The following ADK variants were observed in gnomAD, a reference collection of about 807,000 sequenced individuals.
ADK encodes adenosine kinase, also known as N6,N6-dimethyladenosine kinase.
In ADK, 24 loss-of-function variants were observed where a neutral mutation model predicts 44.7. That is an observed-to-expected ratio of 0.54 (90% confidence interval 0.39 to 0.76). The LOEUF (loss-of-function observed/expected upper bound fraction) is 0.76. ADK is among the 30% of genes least tolerant of loss of function. The pLI is 0.00. For synonymous variants in ADK, 128 were observed against 142.6 expected, an observed-to-expected ratio of 0.90 and a Z score of 0.73; for missense variants, 321 against 425.1, an observed-to-expected ratio of 0.76 and a Z score of 2.15.
At chr10:74,312,914 C>CAAAAAAA (rs56052959) in intron 3 of ADK, among the ~76,000 whole-genome samples, 3,418 of 37,718 alleles carry the variant, frequency 0.091, 877 homozygotes, top group Non-Finnish European at 0.12. Flanking sequence ...ATTCTGTCTC[C>CAAAAAAA]AAAAAAAAAA....
intron 3 of ADK, among the ~76,000 whole-genome samples, chr10:74,309,311 GT>G (rs1223241599): frequency 1.3e-5 from 2 of 152,038 alleles, no homozygotes; most frequent in Non-Finnish European, 2.9e-5. Flanking sequence ...CAACCACAAA[GT>G]GTTTAATTCT....
chr10:74,707,878 C>T (rs548764827), intron 10 of ADK, among the ~76,000 whole-genome samples: 90 of 151,498 alleles, frequency 5.9e-4, no homozygotes, highest in African/African-American at 2.2e-3. Context: ...GAAAAGATCT[C>T]CCGACCGGGC....
intron 6 of ADK, among the ~76,000 whole-genome samples, chr10:74,492,786 T>C (rs1314468550): frequency 6.6e-6 from 1 of 152,212 alleles, no homozygotes; most frequent in Non-Finnish European, 1.5e-5. Context: ...CTATCCTTCA[T>C]GTACCATATT....
chr10:74,459,493 G>T (rs906405700), intron 6 of ADK, among the ~76,000 whole-genome samples: 1 of 151,916 alleles, frequency 6.6e-6, no homozygotes, highest in Admixed American at 6.6e-5. Flanking sequence ...CACTTTGGGA[G>T]GCTGAGGTGG....
chr10:74,174,325 A>AT (rs1277186503), intron 1 of ADK: 1 of 151,380 alleles, frequency 6.6e-6, no homozygotes, highest in Non-Finnish European at 1.5e-5. Flanking sequence ...AAAAAAAAAA[A>AT]AAAAAAAAAA....
chr10:74,537,817 T>C (rs560408974), intron 7 of ADK, among the ~76,000 whole-genome samples: 3 of 152,226 alleles, frequency 2.0e-5, no homozygotes, highest in Non-Finnish European at 1.5e-5. Context: ...CCATGCACTT[T>C]AAGATAGTTT....
intron 7 of ADK, among the ~76,000 whole-genome samples, chr10:74,552,809 A>G (rs921604346): frequency 6.6e-6 from 1 of 152,178 alleles, no homozygotes; most frequent in Admixed American, 6.5e-5. Context: ...CTAATGGCCA[A>G]ATAAGCACAC....
chr10:74,685,327 T>G (rs1009595432), intron 10 of ADK, among the ~76,000 whole-genome samples: 20 of 152,212 alleles, frequency 1.3e-4, no homozygotes, highest in African/African-American at 4.8e-4. Context: ...CCTGTCTAAA[T>G]GACTAATAAA....
intron 2 of ADK, among the ~76,000 whole-genome samples, chr10:74,223,381 A>G (rs1298507393): frequency 6.6e-6 from 1 of 152,166 alleles, no homozygotes; most frequent in Non-Finnish European, 1.5e-5. Context: ...CCAGCTCTCA[A>G]TATTGCCCCG....
intron 7 of ADK, chr10:74,527,835 A>C: frequency 8.6e-7 from 1 of 1,168,414 alleles, no homozygotes; most frequent in East Asian, 2.3e-5. Context: ...TCTTGCTTCC[A>C]AGTGTCTTGA....
At chr10:74,434,584 A>G (rs1845118568) in intron 6 of ADK, among the ~76,000 whole-genome samples, 3 of 152,228 alleles carry the variant, frequency 2.0e-5, no homozygotes, top group Admixed American at 2.0e-4. Context: ...AGAAAACAAA[A>G]TGTGGATTGG....
At chr10:74,432,088 A>G (rs542594800) in intron 6 of ADK, among the ~76,000 whole-genome samples, 6 of 151,974 alleles carry the variant, frequency 3.9e-5, no homozygotes, top group African/African-American at 1.2e-4. Flanking sequence ...CAGCTACTCG[A>G]GACGCTGAGG....
chr10:74,629,972 C>T (rs950822963), intron 9 of ADK, among the ~76,000 whole-genome samples: 2 of 152,046 alleles, frequency 1.3e-5, no homozygotes, highest in African/African-American at 4.8e-5. Context: ...TCCTTTGACT[C>T]AGTAACTTTA....
At chr10:74,243,713 G>T (rs1308922817) in intron 3 of ADK, among the ~76,000 whole-genome samples, 1 of 152,082 alleles carries the variant, frequency 6.6e-6, no homozygotes, top group Non-Finnish European at 1.5e-5. Context: ...CAATACAAAA[G>T]TTAGCTGGGC....
At chr10:74,600,358 T>A (rs1589286382) in intron 8 of ADK, 21 bp from the exon 9 acceptor site, 3 of 1,528,814 alleles carry the variant, frequency 2.0e-6, no homozygotes, top group Non-Finnish European at 2.7e-6. Flanking sequence ...ATGAGAATTT[T>A]TTCCTTCCTT....
chr10:74,219,695 A>G (rs1288918020), intron 2 of ADK, among the ~76,000 whole-genome samples: 2 of 151,702 alleles, frequency 1.3e-5, no homozygotes. Context: ...CAATCAAACT[A>G]GAACTCAGGA....
At chr10:74,671,439 T>C (rs1212452236) in intron 10 of ADK, among the ~76,000 whole-genome samples, 2 of 152,172 alleles carry the variant, frequency 1.3e-5, no homozygotes, top group Non-Finnish European at 2.9e-5. Flanking sequence ...AATGAACTAT[T>C]AACCATTAGG....
chr10:74,264,128 A>G (rs1846136697), intron 3 of ADK, among the ~76,000 whole-genome samples: 1 of 152,250 alleles, frequency 6.6e-6, no homozygotes. Context: ...TATTGTGGAT[A>G]TGGAATCATT....
intron 6 of ADK, among the ~76,000 whole-genome samples, chr10:74,475,351 G>A (rs1176366047): frequency 6.6e-6 from 1 of 151,884 alleles, no homozygotes; most frequent in Non-Finnish European, 1.5e-5. Context: ...TTACTTTCTG[G>A]CACTACAAGA....
Sources: gnomAD v4.1 joint callset for allele counts (sites outside exome capture counted in the v4.1 genomes callset) on GRCh38, gnomAD v4.1.1 for gene constraint, MANE v1.5 for transcripts, NCBI Gene and HGNC (gene_info 2026-07-23, HGNC 2026-07-21) for gene names.